Variants in CDH13 observed in about 807,000 individuals in gnomAD.
The protein encoded by CDH13 is cadherin 13.
Under a neutral mutation model 63.8 loss-of-function variants are expected in CDH13, and 24 were observed. That is an observed-to-expected ratio of 0.38 (90% confidence interval 0.27 to 0.53). CDH13 has a LOEUF of 0.53. Among genes scored for constraint, CDH13 ranks in the 20% least tolerant of loss-of-function variants. CDH13 has a pLI of 0.85. For missense variants in CDH13, 1,049 were observed against 903.1 expected (o/e 1.16, Z -2.07); for synonymous variants, 503 against 355.3 (o/e 1.42, Z -4.67).
rs572959343 is a variant in CDH13, at chr16:82,683,600, G to A, written c.45+56463G>A. 3.0e-3 allele frequency among the ~76,000 whole-genome samples: 451 copies of A among 152,336 alleles called. 2 individuals carry two copies. The highest frequency in any genetic ancestry group is 0.01 in the African/African-American group (434 of 41,578). On this transcript the variant is annotated intron_variant, in intron 1 of 13. Coordinates refer to ENST00000567109, the MANE Select transcript of CDH13 (RefSeq NM_001257.5). ...AGGACCAGCAGCTCTCAAGGGGTAA[G>A]AGAATAAGGAATCATGTGAGCATTC...
chr16:82,691,482 A>T (rs113281577), intron 1 of CDH13, among the ~76,000 whole-genome samples: 1 of 152,186 alleles, frequency 6.6e-6, no homozygotes, highest in African/African-American at 2.4e-5. Context: ...GGCCTGTGCC[A>T]TTAACTTCGG....
At chr16:82,845,484 G>T (rs1434033060) in intron 1 of CDH13, among the ~76,000 whole-genome samples, 1 of 152,178 alleles carries the variant, frequency 6.6e-6, no homozygotes, top group Non-Finnish European at 1.5e-5. Context: ...GTTGGCTGAG[G>T]TATTGGCTGC....
chr16:83,760,866 C>G (rs1366706379), intron 11 of CDH13, among the ~76,000 whole-genome samples: 1 of 152,234 alleles, frequency 6.6e-6, no homozygotes, highest in African/African-American at 2.4e-5. Flanking sequence ...AGCATTTAGA[C>G]AGACTCTCAG....
intron 5 of CDH13, among the ~76,000 whole-genome samples, chr16:83,278,325 C>G (rs750024708): frequency 6.6e-6 from 1 of 152,190 alleles, no homozygotes; most frequent in Non-Finnish European, 1.5e-5. Context: ...CTTCCCCATT[C>G]ACCATGGGCT....
At chr16:82,842,121 TATATATATATATATATACAC>T (rs543969962) in intron 1 of CDH13, among the ~76,000 whole-genome samples, 788 of 46,754 alleles carry the variant, frequency 0.017, 20 homozygotes, top group Non-Finnish European at 0.022. Flanking sequence ...TGTATATATA[TATATATATATATATATACAC>T]ATATATATAT....
rs138169639 is a variant in CDH13, at chr16:83,459,929, T to A, written c.782-26548T>A. ...GATTTCAGTCTGATATGCAACAGGT[T>A]CTTCCATGAGATGTGAGGGCTTAAA... On this transcript the variant is annotated intron_variant, in intron 6 of 13. Coordinates refer to ENST00000567109, the MANE Select transcript of CDH13 (RefSeq NM_001257.5). Among the ~76,000 whole-genome samples the A allele has an allele frequency of 2.3e-3, 350 of 152,348 alleles. 2 individuals carry two copies. The highest frequency in any genetic ancestry group is 6.8e-3 in the Middle Eastern group (2 of 294).
At chr16:82,710,437 C>T (rs1219963981) in intron 1 of CDH13, among the ~76,000 whole-genome samples, 1 of 141,760 alleles carries the variant, frequency 7.1e-6, no homozygotes, top group African/African-American at 2.6e-5. Context: ...GAGGCTGAGA[C>T]AGGAGAATGG....
At chr16:83,529,659 T>G (rs559688603) in intron 7 of CDH13, among the ~76,000 whole-genome samples, 1 of 152,318 alleles carries the variant, frequency 6.6e-6, no homozygotes, top group African/African-American at 2.4e-5. Context: ...TCTGTACTAC[T>G]GTTTTCTGAG....
At chr16:82,642,155 C>T (rs979155127) in intron 1 of CDH13, among the ~76,000 whole-genome samples, 6 of 150,332 alleles carry the variant, frequency 4.0e-5, no homozygotes, top group African/African-American at 1.2e-4. Flanking sequence ...GGGCCCACTG[C>T]AGCCTAACAC....
chr16:82,665,480 C>G (rs78813867), intron 1 of CDH13, among the ~76,000 whole-genome samples: 1 of 152,044 alleles, frequency 6.6e-6, no homozygotes, highest in African/African-American at 2.4e-5. Flanking sequence ...AGCAATGGTT[C>G]AATATATGTT....
chr16:83,023,012 G>C (rs1435242570), intron 2 of CDH13: 1 of 152,134 alleles, frequency 6.6e-6, no homozygotes, highest in African/African-American at 2.4e-5. Context: ...TCCATTTTTA[G>C]ATGGTAGGAA....
intron 7 of CDH13, among the ~76,000 whole-genome samples, chr16:83,572,771 C>G (rs1195560285): frequency 1.3e-5 from 2 of 152,216 alleles, no homozygotes; most frequent in African/African-American, 4.8e-5. Flanking sequence ...TTTGGAAACT[C>G]AAATCATCCA....
chr16:83,092,110 G>T (rs1227002977), intron 3 of CDH13, among the ~76,000 whole-genome samples: 1 of 152,126 alleles, frequency 6.6e-6, no homozygotes, highest in African/African-American at 2.4e-5. Flanking sequence ...TCATATCACT[G>T]CATTCATTTC....
chr16:83,575,195 G>T (rs1043060110), intron 7 of CDH13, among the ~76,000 whole-genome samples: 1 of 152,146 alleles, frequency 6.6e-6, no homozygotes, highest in South Asian at 2.1e-4. Context: ...TTTTTCTTTG[G>T]GGTGATGAAA....
At chr16:83,691,242 G>A (rs1904847720) in intron 10 of CDH13, among the ~76,000 whole-genome samples, 1 of 152,202 alleles carries the variant, frequency 6.6e-6, no homozygotes, top group Admixed American at 6.5e-5. Context: ...TAACTTGTGG[G>A]AGGAAAGTAC....
In CDH13 at chr16:82,894,556, C is replaced by T. The variant is rs573523931; in HGVS notation, c.157+36083C>T. On this transcript the variant is annotated intron_variant, in intron 2 of 13. Coordinates refer to ENST00000567109, the MANE Select transcript of CDH13 (RefSeq NM_001257.5). The stretch of plus-strand genomic sequence containing the variant: ...ACTTGGGAGGCTGAGGCAAGAGAAT[C>T]GCTTGAACCCAGGAGACAGAGGTTG... Among the ~76,000 whole-genome samples the T allele has an allele frequency of 1.1e-3, 160 of 152,248 alleles. 1 individual carries two copies. The highest frequency in any genetic ancestry group is 1.8e-3 in the Non-Finnish European group (121 of 68,022).
chr16:82,979,252 AT>A (rs1239264473), intron 2 of CDH13, among the ~76,000 whole-genome samples: 1 of 152,126 alleles, frequency 6.6e-6, no homozygotes. Context: ...AGATGAGACT[AT>A]GGACTTGGAG....
intron 6 of CDH13, among the ~76,000 whole-genome samples, chr16:83,476,994 G>A (rs879346642): frequency 1.3e-5 from 2 of 152,148 alleles, no homozygotes; most frequent in African/African-American, 2.4e-5. Flanking sequence ...GTCGAAGTCT[G>A]GATAAAAGGA....
At chr16:82,805,692 C>A (rs185915606) in intron 1 of CDH13, among the ~76,000 whole-genome samples, 4 of 152,204 alleles carry the variant, frequency 2.6e-5, no homozygotes, top group Admixed American at 2.6e-4. Context: ...ATTTAGAACC[C>A]TTCTCATAGT....
Sources: allele counts gnomAD v4.1 joint callset (sites outside exome capture counted in the v4.1 genomes callset), GRCh38; gene constraint gnomAD v4.1.1; transcripts MANE v1.5; gene names NCBI Gene and HGNC (gene_info 2026-07-23, HGNC 2026-07-21).